The following LDLRAD4 variants were observed in gnomAD, a reference collection of about 807,000 sequenced individuals.
LDLRAD4 encodes the protein low density lipoprotein receptor class A domain containing 4.
LDLRAD4 carries 5 observed loss-of-function variants against 17.0 expected under a neutral mutation model. The observed-to-expected ratio is 0.29, with a 90% CI of 0.15 to 0.62. The LOEUF (loss-of-function observed/expected upper bound fraction) is 0.62. Ranked by LOEUF, LDLRAD4 falls within the 20% of genes least tolerant of loss-of-function variation. The pLI is 0.84. For synonymous variants in LDLRAD4, 168 were observed against 171.8 expected (o/e 0.98, Z 0.17); for missense variants, 340 against 424.7 (o/e 0.80, Z 1.75).
At chr18:13,399,914 C>T (rs1230123383) in intron 2 of LDLRAD4, among the ~76,000 whole-genome samples, 1 of 152,170 alleles carries the variant, frequency 6.6e-6, no homozygotes, top group African/African-American at 2.4e-5. Flanking sequence ...CCTTTATTAC[C>T]TATTTGTCAT....
intron 4 of LDLRAD4, among the ~76,000 whole-genome samples, chr18:13,635,906 G>A (rs2042033850): frequency 1.3e-5 from 2 of 151,134 alleles, no homozygotes; most frequent in Non-Finnish European, 2.9e-5. Context: ...AGTTCCAAGT[G>A]TACGCAGCAG....
intron 3 of LDLRAD4, among the ~76,000 whole-genome samples, chr18:13,518,664 G>C (rs980811315): frequency 6.6e-6 from 1 of 152,194 alleles, no homozygotes; most frequent in Non-Finnish European, 1.5e-5. Flanking sequence ...CTTGGCCTAG[G>C]TTGAAGGTGG....
intron 4 of LDLRAD4, among the ~76,000 whole-genome samples, chr18:13,623,136 CA>C (rs2148826596): frequency 6.6e-6 from 1 of 152,260 alleles, no homozygotes; most frequent in African/African-American, 2.4e-5. Flanking sequence ...AGCAGAAAAG[CA>C]AAAAGTGTCA....
In LDLRAD4 at chr18:13,251,088, A is replaced by G. The variant is rs1212845416; in HGVS notation, c.-466-27017A>G. 2.0e-5 allele frequency among the ~76,000 whole-genome samples: 3 copies of G among 152,224 alleles called. No homozygotes were observed. In the East Asian group the frequency reaches 5.8e-4, roughly 29 times the overall value. ...TGGTTCAGTATACATAAATCAAGAA[A>G]TGTGATTAAATCACATCAGCAGAAT... On this transcript the variant is annotated intron_variant, in intron 1 of 5. Coordinates refer to the LDLRAD4 transcript ENST00000399848.
At chr18:13,475,273 A>T (rs2092908530) in intron 3 of LDLRAD4, among the ~76,000 whole-genome samples, 1 of 152,042 alleles carries the variant, frequency 6.6e-6, no homozygotes, top group Non-Finnish European at 1.5e-5. Context: ...GTTTTAAGAG[A>T]TGTCTCACTC....
At chr18:13,313,598 G>A in intron 1 of LDLRAD4, among the ~76,000 whole-genome samples, 1 of 152,212 alleles carries the variant, frequency 6.6e-6, no homozygotes, top group Non-Finnish European at 1.5e-5. Context: ...CCCCCGCACG[G>A]GGAACTCAAG....
chr18:13,380,289 C>CG (rs1463518616), intron 1 of LDLRAD4, among the ~76,000 whole-genome samples: 36 of 152,214 alleles, frequency 2.4e-4, no homozygotes, highest in African/African-American at 8.7e-4. Flanking sequence ...TGATTCCCAG[C>CG]GAGCGGCTGG....
chr18:13,529,937 G>T (rs1250477771), intron 3 of LDLRAD4, among the ~76,000 whole-genome samples: 1 of 152,178 alleles, frequency 6.6e-6, no homozygotes. Flanking sequence ...CATGAAAAAT[G>T]ATGTGTTTAT....
At chr18:13,642,163 G>A (rs2042631528) in intron 4 of LDLRAD4, 2 of 985,404 alleles carry the variant, frequency 2.0e-6, no homozygotes. Flanking sequence ...ATGTCCCCGA[G>A]TATCTTAGGA....
At chr18:13,573,566 G>T (rs2148367185) in intron 3 of LDLRAD4, among the ~76,000 whole-genome samples, 1 of 152,318 alleles carries the variant, frequency 6.6e-6, no homozygotes, top group East Asian at 1.9e-4. Flanking sequence ...TGTTCTCCTT[G>T]ATTCTCCTGT....
chr18:13,459,802 A>G (rs1468771602), intron 3 of LDLRAD4: 1 of 153,234 alleles, frequency 6.5e-6, no homozygotes, highest in Non-Finnish European at 1.5e-5. Flanking sequence ...AAACCCTTCC[A>G]GGTCTACATT....
chr18:13,627,019 C>A (rs2041229684), intron 4 of LDLRAD4, among the ~76,000 whole-genome samples: 1 of 152,226 alleles, frequency 6.6e-6, no homozygotes, highest in Admixed American at 6.5e-5. Flanking sequence ...CCTATAATCT[C>A]AGCACTTTGG....
exon 1 of LDLRAD4, chr18:13,218,936 C>T (rs761921819): frequency 2.0e-5 from 3 of 152,366 alleles, no homozygotes; most frequent in African/African-American, 4.8e-5. Context: ...TAGGAAGCTT[C>T]CTCGGGACCC....
At chr18:13,455,645 C>T (rs376600814) in intron 3 of LDLRAD4, among the ~76,000 whole-genome samples, 20 of 152,256 alleles carry the variant, frequency 1.3e-4, no homozygotes, top group African/African-American at 4.8e-4. Context: ...GAGAGGGGGC[C>T]AAGTCATGTC....
intron 1 of LDLRAD4, among the ~76,000 whole-genome samples, chr18:13,270,319 G>A (rs1043788058): frequency 2.6e-5 from 4 of 151,628 alleles, no homozygotes; most frequent in Non-Finnish European, 5.9e-5. Context: ...GAGCTGTGAT[G>A]GCTTCACTGT....
intron 1 of LDLRAD4, among the ~76,000 whole-genome samples, chr18:13,377,648 A>G (rs933255304): frequency 1.3e-5 from 2 of 152,194 alleles, no homozygotes; most frequent in African/African-American, 4.8e-5. Context: ...TCTCCAGAGG[A>G]AAGTGGGACT....
intron 1 of LDLRAD4, among the ~76,000 whole-genome samples, chr18:13,238,298 T>C (rs1294195153): frequency 1.3e-5 from 2 of 152,208 alleles, no homozygotes; most frequent in African/African-American, 2.4e-5. Context: ...GAGCCCCCTC[T>C]TAAAAACATT....
At chr18:13,266,189 G>C (rs1179447514) in intron 1 of LDLRAD4, among the ~76,000 whole-genome samples, 1 of 152,150 alleles carries the variant, frequency 6.6e-6, no homozygotes, top group Non-Finnish European at 1.5e-5. Flanking sequence ...TAAAAACAAA[G>C]GCTTTTTCGG....
rs546250252 is a variant in LDLRAD4, at chr18:13,246,004, A to G, written c.-467+27016A>G. 2.0e-5 allele frequency among the ~76,000 whole-genome samples: 3 copies of G among 152,370 alleles called. 1 individual carries two copies. Among genetic ancestry groups the G allele is most frequent in the African/African-American group, 7.2e-5 (3 of 41,588 alleles). On this transcript the variant is annotated intron_variant, in intron 1 of 5. Transcript: ENST00000399848. ...CAGTATCTGCCTGGAATTACAAGGCAGGCACTGACAGATGTATAAGTAGAT... is the reference window on the plus strand; with the variant it reads ...CAGTATCTGCCTGGAATTACAAGGCGGGCACTGACAGATGTATAAGTAGAT...
Sources: gnomAD v4.1 joint callset for allele counts (sites outside exome capture counted in the v4.1 genomes callset) on GRCh38, gnomAD v4.1.1 for gene constraint, MANE v1.5 for transcripts, NCBI Gene and HGNC (gene_info 2026-07-23, HGNC 2026-07-21) for gene names.